SRRM4: variants seen among roughly 807,000 people sequenced by gnomAD.
SRRM4 encodes the protein serine/arginine repetitive matrix 4.
Under a neutral mutation model 68.9 loss-of-function variants are expected in SRRM4, and 33 were observed. The ratio of observed to expected loss-of-function variants is 0.48; its 90% CI spans 0.36 to 0.64. SRRM4 has a LOEUF of 0.64. SRRM4 is among the 30% of genes least tolerant of loss of function. The pLI is 0.00. For synonymous variants in SRRM4, 318 were observed against 318.8 expected (o/e 1.00, Z 0.03); for missense variants, 817 against 827.1 (o/e 0.99, Z 0.15).
intron 1 of SRRM4, among the ~76,000 whole-genome samples, chr12:119,006,107 T>C (rs1045970543): frequency 8.5e-5 from 13 of 152,182 alleles, no homozygotes; most frequent in Admixed American, 8.5e-4. Flanking sequence ...TGCATCCCCC[T>C]TGTGCCCTGG....
chr12:119,043,775 TACAC>T lies in SRRM4; in HGVS notation c.132-58431_132-58428del, dbSNP rs58053550. Among the ~76,000 whole-genome samples, 714 of 141,750 alleles carry T rather than the reference TACAC, an allele frequency of 5.0e-3. 5 individuals are homozygous for T. Among genetic ancestry groups the T allele is most frequent in the East Asian group, 0.018 (83 of 4,676 alleles). The allele number at this position is 141,750 out of a possible 152,430, so 93.0% of individuals were successfully genotyped here. A position where few individuals can be genotyped will look rare whatever the true frequency, so the allele number is the denominator to read the frequency against. On this transcript the variant is annotated intron_variant, in intron 1 of 12. Transcript: ENST00000267260. The stretch of plus-strand genomic sequence containing the variant: ...ACATACACATGCACACATACACGCA[TACAC>T]ACACACACACACACACACACACACA...
rs201867059 is a variant in SRRM4, at chr12:119,114,270, C to T, written c.279-8C>T. The T allele has an allele frequency of 2.5e-6, 4 of 1,610,730 alleles. No individual in the cohort carries two copies. In the East Asian group the frequency reaches 6.7e-5, roughly 27 times the overall value. On this transcript the variant is annotated splice_region_variant and splice_polypyrimidine_tract_variant and intron_variant, in intron 2 of 12. Coordinates refer to ENST00000267260, the MANE Select transcript of SRRM4 (RefSeq NM_194286.4). ...GTTATCTAATGCTCCTCTCTTTGCT[C>T]CTCACAGTGCCTCTCATGACAAAGA...
chr12:119,030,421 G>A (rs1410107813), intron 1 of SRRM4, among the ~76,000 whole-genome samples: 1 of 152,142 alleles, frequency 6.6e-6, no homozygotes, highest in Non-Finnish European at 1.5e-5. Context: ...AAGGGACAGT[G>A]TTCTAAACAG....
intron 1 of SRRM4, among the ~76,000 whole-genome samples, chr12:119,030,491 T>C (rs1272388687): frequency 2.3e-4 from 7 of 30,608 alleles, no homozygotes; most frequent in East Asian, 1.9e-3. Context: ...TTAATCTTGC[T>C]TTTTGATTAC....
intron 1 of SRRM4, among the ~76,000 whole-genome samples, chr12:119,060,136 T>G (rs1953801591): frequency 6.6e-6 from 1 of 152,070 alleles, no homozygotes; most frequent in African/African-American, 2.4e-5. Context: ...AATTAGAGGC[T>G]CTTTCGGCTT....
chr12:119,137,970 T>C (rs79181338), intron 8 of SRRM4, among the ~76,000 whole-genome samples: 5,934 of 151,870 alleles, frequency 0.039, 164 homozygotes, highest in Middle Eastern at 0.061. Flanking sequence ...AGGTTTATGT[T>C]ACTCACAGAG....
chr12:119,040,848 C>T (rs556584989), intron 1 of SRRM4, among the ~76,000 whole-genome samples: 1 of 152,156 alleles, frequency 6.6e-6, no homozygotes, highest in Non-Finnish European at 1.5e-5. Flanking sequence ...CTCCCAGGTT[C>T]AAGCAATTCT....
At chr12:119,046,972 C>T (rs1220965812) in intron 1 of SRRM4, among the ~76,000 whole-genome samples, 1 of 146,088 alleles carries the variant, frequency 6.8e-6, no homozygotes, top group African/African-American at 2.6e-5. Context: ...GCGGAGCTTG[C>T]AGTGAGCTGA....
At chr12:119,035,671 GT>G (rs1953622713) in intron 1 of SRRM4, among the ~76,000 whole-genome samples, 5 of 152,048 alleles carry the variant, frequency 3.3e-5, no homozygotes, top group South Asian at 4.1e-4. Context: ...GGGTCAAGTT[GT>G]TTTTCATTTC....
intron 2 of SRRM4, among the ~76,000 whole-genome samples, chr12:119,110,306 G>T (rs1263651276): frequency 6.6e-6 from 1 of 152,314 alleles, no homozygotes; most frequent in South Asian, 2.1e-4. Context: ...CTGTCCGTTT[G>T]CAGATCTCAA....
intron 1 of SRRM4, among the ~76,000 whole-genome samples, chr12:119,026,547 T>C (rs767609438): frequency 6.6e-6 from 1 of 151,878 alleles, no homozygotes; most frequent in Non-Finnish European, 1.5e-5. Context: ...ATTTTAATTT[T>C]TATTTATTTA....
At chr12:118,990,064 T>C (rs1953306950) in intron 1 of SRRM4, 1 of 152,232 alleles carries the variant, frequency 6.6e-6, no homozygotes, top group African/African-American at 2.4e-5. Context: ...ATTTCATCTC[T>C]TATCCAGTTC....
intron 1 of SRRM4, among the ~76,000 whole-genome samples, chr12:119,076,308 G>A (rs1953915661): frequency 6.8e-6 from 1 of 146,212 alleles, no homozygotes; most frequent in African/African-American, 2.5e-5. Flanking sequence ...GGACAGTATT[G>A]TTATACCCAC....
intron 2 of SRRM4, among the ~76,000 whole-genome samples, chr12:119,108,266 T>C (rs1403583268): frequency 1.3e-5 from 2 of 152,226 alleles, no homozygotes; most frequent in African/African-American, 4.8e-5. Flanking sequence ...AAGTGCGATG[T>C]GGTGCTGAGA....
At chr12:119,136,307 A>G (rs1268450520) in intron 8 of SRRM4, among the ~76,000 whole-genome samples, 2 of 152,212 alleles carry the variant, frequency 1.3e-5, no homozygotes, top group African/African-American at 2.4e-5. Context: ...TCTGACCCCT[A>G]GTCCAGGTGC....
intron 1 of SRRM4, among the ~76,000 whole-genome samples, chr12:119,016,815 A>G (rs74761344): frequency 6.6e-6 from 1 of 152,198 alleles, no homozygotes; most frequent in Non-Finnish European, 1.5e-5. Flanking sequence ...CTTGGGAATG[A>G]CAGGGTAGCA....
intron 1 of SRRM4, among the ~76,000 whole-genome samples, chr12:118,996,104 T>C (rs1436466302): frequency 6.6e-6 from 1 of 152,258 alleles, no homozygotes; most frequent in Non-Finnish European, 1.5e-5. Flanking sequence ...ACATTTATGG[T>C]AAAGTGAGAT....
intron 8 of SRRM4, among the ~76,000 whole-genome samples, chr12:119,132,554 T>C (rs1954304730): frequency 6.6e-6 from 1 of 152,196 alleles, no homozygotes; most frequent in Non-Finnish European, 1.5e-5. Flanking sequence ...TCCAACAAGA[T>C]ATGTCTGTCA....
intron 1 of SRRM4, among the ~76,000 whole-genome samples, chr12:119,052,586 T>C (rs1752503379): frequency 6.6e-6 from 1 of 152,178 alleles, no homozygotes; most frequent in African/African-American, 2.4e-5. Context: ...TGGAGTGTAG[T>C]AGCGCGATCT....
Sources: gnomAD v4.1 joint callset for allele counts (sites outside exome capture counted in the v4.1 genomes callset) on GRCh38, gnomAD v4.1.1 for gene constraint, MANE v1.5 for transcripts, NCBI Gene and HGNC (gene_info 2026-07-23, HGNC 2026-07-21) for gene names.